PRKN: variants seen among roughly 807,000 people sequenced by gnomAD.
The protein encoded by PRKN is parkin RBR E3 ubiquitin protein ligase, also known as E3 ubiquitin-protein ligase parkin.
In PRKN, 56 loss-of-function variants were observed where a neutral mutation model predicts 59.5. The ratio of observed to expected loss-of-function variants is 0.94; its 90% CI spans 0.76 to 1.18. The LOEUF is 1.18. Among genes scored for constraint, PRKN ranks in the 50% most tolerant of loss-of-function variants. PRKN has a pLI of 0.00. For missense variants in PRKN, 657 were observed against 596.4 expected (o/e 1.10, Z -1.06); for synonymous variants, 250 against 222.1 (o/e 1.13, Z -1.12).
At chr6:162,449,918 TAC>T (rs1223429481) in intron 1 of PRKN, among the ~76,000 whole-genome samples, 1 of 152,152 alleles carries the variant, frequency 6.6e-6, no homozygotes, top group Non-Finnish European at 1.5e-5. Context: ...TCAGGAGAAG[TAC>T]AGTTACGTAA....
chr6:162,715,590 T>C (rs1020315358), intron 1 of PRKN, among the ~76,000 whole-genome samples: 23 of 152,318 alleles, frequency 1.5e-4, no homozygotes, highest in Admixed American at 9.8e-4. Context: ...TATTTCAAAT[T>C]TGAATTCACA....
rs1480033201 is a variant in PRKN at position 161,371,110 on chromosome 6, C to G, written c.1168-10905G>C. On this transcript the variant is annotated intron_variant, in intron 10 of 11. Transcript: ENST00000366898. The surrounding 1 kb of genome is among the most constrained non-coding windows in gnomAD (Gnocchi z 5.5). ...ACATGTTTTGTTGTTCTCACATTGT[C>G]TTATGACTATCTCTTTTTGGAGAAT... 6.6e-6 allele frequency among the ~76,000 whole-genome samples: 1 copy of G among 152,074 alleles called. No individual in the cohort carries two copies. The highest frequency in any genetic ancestry group is 1.9e-4 in the East Asian group (1 of 5,192).
chr6:161,902,656 G>T (rs944722236), intron 6 of PRKN, among the ~76,000 whole-genome samples: 1 of 149,746 alleles, frequency 6.7e-6, no homozygotes, highest in Non-Finnish European at 1.5e-5. Context: ...CGCCTCTTGG[G>T]TTCAAGTGAA....
rs73785918 is a variant in PRKN at position 161,445,109 on chromosome 6, C to A, written c.1084-58232G>T. Among the ~76,000 whole-genome samples the A allele has an allele frequency of 0.016, 2,398 of 152,154 alleles. 58 individuals are homozygous for A. The highest frequency in any genetic ancestry group is 0.11 in the East Asian group (553 of 5,164). On this transcript the variant is annotated intron_variant, in intron 9 of 11. Transcript: ENST00000366898. This position sits in a 1 kb window ranked among gnomAD's most constrained non-coding sequence, Gnocchi z 7.7. The stretch of plus-strand genomic sequence containing the variant: ...CAGGGCTGGCACATCTGCCTAAAAC[C>A]CATAATTCTTGAACTTGACGTGCTC...
At chr6:162,446,250 T>C (rs1190277898) in intron 1 of PRKN, among the ~76,000 whole-genome samples, 1 of 152,112 alleles carries the variant, frequency 6.6e-6, no homozygotes, top group Non-Finnish European at 1.5e-5. Context: ...ATGACCCCAG[T>C]TCTAAATTTC....
chr6:161,870,352 G>A (rs1209892556), intron 6 of PRKN, among the ~76,000 whole-genome samples: 1 of 152,120 alleles, frequency 6.6e-6, no homozygotes, highest in Non-Finnish European at 1.5e-5. Context: ...AAGAAAAGGG[G>A]ATGGCTGTGT....
intron 4 of PRKN, among the ~76,000 whole-genome samples, chr6:162,151,430 T>A (rs1335784077): frequency 6.6e-6 from 1 of 152,208 alleles, no homozygotes; most frequent in Non-Finnish European, 1.5e-5. Flanking sequence ...GCTTCGCAAT[T>A]CTTCACCTCC....
intron 7 of PRKN, among the ~76,000 whole-genome samples, chr6:161,776,144 TTTTGCATAGTAGCCATCA>T (rs1481923853): frequency 2.6e-5 from 4 of 152,176 alleles, no homozygotes; most frequent in Non-Finnish European, 5.9e-5. Context: ...AGTAAGTGCA[TTTTGCATAGTAGCCATCA>T]TTCTACAGTA....
intron 6 of PRKN, among the ~76,000 whole-genome samples, chr6:161,803,630 C>G (rs1367166037): frequency 1.3e-5 from 2 of 152,200 alleles, no homozygotes; most frequent in Non-Finnish European, 2.9e-5. Flanking sequence ...GAAGGCTGGA[C>G]GTAGTGTCAG....
rs748797721 is a variant in PRKN at position 161,785,872 on chromosome 6, G to C, written c.771C>G (p.His257Gln). ...PVLVFQCNSRHVICLDCFHLY... is the reference protein window; with the variant it reads ...PVLVFQCNSRQVICLDCFHLY... ...AGTGGAAACAGTCTAAGCAAATCAC[G>C]TGGCGGGAGTTGCACTGGAAAACCA... Residue 257 changes from histidine to glutamine, a missense_variant, in exon 7 of 12, where the codon CAC (histidine) becomes CAG (glutamine). Physicochemically the swap from His to Gln is conservative, Grantham distance 24 (BLOSUM62 0). Transcript: ENST00000366898. The C allele has an allele frequency of 3.1e-6, 5 of 1,614,008 alleles. No homozygotes were observed. Among genetic ancestry groups the C allele is most frequent in the Non-Finnish European group, 4.2e-6 (5 of 1,179,980 alleles).
chr6:162,625,536 T>C (rs1416191811), intron 1 of PRKN, among the ~76,000 whole-genome samples: 1 of 152,176 alleles, frequency 6.6e-6, no homozygotes, highest in East Asian at 1.9e-4. Flanking sequence ...TGTCACTTTC[T>C]CATTAAGACT....
intron 5 of PRKN, among the ~76,000 whole-genome samples, chr6:162,039,157 CAA>C (rs1404634739): frequency 1.5e-4 from 13 of 89,564 alleles, no homozygotes; most frequent in Admixed American, 3.0e-4. Context: ...CTCCATCTCA[CAA>C]AAAAAAAAAA....
chr6:161,540,705 C>A (rs573422814), intron 9 of PRKN, among the ~76,000 whole-genome samples: 8 of 152,346 alleles, frequency 5.3e-5, no homozygotes, highest in Non-Finnish European at 1.0e-4. Context: ...AAATGTACCA[C>A]ACAAAAGGTA....
rs978913249 is a variant in PRKN at position 161,399,550 on chromosome 6, T to C, written c.1084-12673A>G. Among the ~76,000 whole-genome samples the C allele has an allele frequency of 1.3e-5, 2 of 152,168 alleles. No homozygotes were observed. Among genetic ancestry groups the C allele is most frequent in the Admixed American group, 1.3e-4 (2 of 15,294 alleles). ...CCCCTCCCATAAGGAGTTTGAGCAG[T>C]GGTGGTGGCTGAACTGATGAGCCAT... On this transcript the variant is annotated intron_variant, in intron 9 of 11. Transcript: ENST00000366898. This position sits in a 1 kb window ranked among gnomAD's most constrained non-coding sequence, Gnocchi z 4.4.
intron 6 of PRKN, among the ~76,000 whole-genome samples, chr6:161,928,716 C>T (rs1779059570): frequency 6.6e-6 from 1 of 152,106 alleles, no homozygotes; most frequent in South Asian, 2.1e-4. Context: ...TTTATTTTAA[C>T]TTTCACCTAG....
intron 7 of PRKN, among the ~76,000 whole-genome samples, chr6:161,774,382 GCACACA>G (rs3220723): frequency 0.048 from 6,319 of 130,760 alleles, 207 homozygotes; most frequent in Middle Eastern, 0.094. Context: ...TACTCCCTGA[GCACACA>G]CACACACACA....
chr6:161,708,559 G>A (rs529912907), intron 7 of PRKN, among the ~76,000 whole-genome samples: 6 of 151,730 alleles, frequency 4.0e-5, no homozygotes, highest in South Asian at 2.1e-4. Context: ...CAACAGGAAC[G>A]TCATTCACTT....
intron 1 of PRKN, among the ~76,000 whole-genome samples, chr6:162,643,409 A>AAAAG (rs989996267): frequency 1.3e-5 from 2 of 150,482 alleles, no homozygotes; most frequent in African/African-American, 4.8e-5. Flanking sequence ...AAAAAAAAAA[A>AAAAG]AAAAAAGAAA....
At chr6:162,227,121 A>G (rs1778215484) in intron 3 of PRKN, among the ~76,000 whole-genome samples, 2 of 152,206 alleles carry the variant, frequency 1.3e-5, no homozygotes, top group African/African-American at 4.8e-5. Context: ...CTATCCTAGT[A>G]TACGTATGGG....
Sources: gnomAD v4.1 joint callset for allele counts (sites outside exome capture counted in the v4.1 genomes callset) on GRCh38, gnomAD v4.1.1 for gene constraint, Gnocchi (gnomAD v3.1) non-coding constraint, MANE v1.5 for transcripts, NCBI Gene and HGNC (gene_info 2026-07-23, HGNC 2026-07-21) for gene names.